Variants in EBF1 observed in about 807,000 individuals in gnomAD.
EBF1 encodes EBF transcription factor 1.
Under a neutral mutation model 68.4 loss-of-function variants are expected in EBF1, and 10 were observed. The ratio of observed to expected loss-of-function variants is 0.15; its 90% CI spans 0.09 to 0.25. The LOEUF (loss-of-function observed/expected upper bound fraction) is 0.25. Among genes scored for constraint, EBF1 ranks in the 10% least tolerant of loss-of-function variants. The pLI is 1.00. For synonymous variants in EBF1, 298 were observed against 299.8 expected (o/e 0.99, Z 0.06); for missense variants, 509 against 794.4 (o/e 0.64, Z 4.32).
intron 6 of EBF1, among the ~76,000 whole-genome samples, chr5:158,842,795 C>T (rs1790592459): frequency 6.6e-6 from 1 of 152,166 alleles, no homozygotes; most frequent in South Asian, 2.1e-4. Flanking sequence ...TCCTAAGTAA[C>T]CTCTGCTATT....
At chr5:159,086,968 G>A (rs1780746018) in intron 4 of EBF1, among the ~76,000 whole-genome samples, 1 of 151,978 alleles carries the variant, frequency 6.6e-6, no homozygotes, top group Admixed American at 6.6e-5. Context: ...ACATCTGCCT[G>A]CTTTATTTCC....
At chr5:159,069,081 T>C (rs76533940) in intron 6 of EBF1, among the ~76,000 whole-genome samples, 1,868 of 152,204 alleles carry the variant, frequency 0.012, 13 homozygotes, top group Middle Eastern at 0.024. Flanking sequence ...AAGTTTTAAA[T>C]ATCGGCTTTG....
At chr5:158,900,757 T>A (rs1803142476) in intron 6 of EBF1, among the ~76,000 whole-genome samples, 1 of 152,214 alleles carries the variant, frequency 6.6e-6, no homozygotes, top group South Asian at 2.1e-4. Context: ...TTTACAAGCC[T>A]CAGTTAATGT....
Position 158,987,524 on chromosome 5 carries a change from T to C in EBF1, c.554+85872A>G, listed in dbSNP as rs753963562. On this transcript the variant is annotated intron_variant, in intron 6 of 15. Coordinates refer to ENST00000313708, the MANE Select transcript of EBF1 (RefSeq NM_024007.5). ...GGTAGGCAGGGCAGGGATTACCTTGTATGACAGATGAGAGAATGAAGGCAG... is the reference window on the plus strand; with the variant it reads ...GGTAGGCAGGGCAGGGATTACCTTGCATGACAGATGAGAGAATGAAGGCAG... 7.2e-4 allele frequency among the ~76,000 whole-genome samples: 109 copies of C among 152,322 alleles called. 1 individual carries two copies. Among genetic ancestry groups the C allele is most frequent in the Admixed American group, 1.3e-3 (20 of 15,300 alleles).
At chr5:158,873,405 TC>T (rs1797248467) in intron 6 of EBF1, among the ~76,000 whole-genome samples, 1 of 152,184 alleles carries the variant, frequency 6.6e-6, no homozygotes, top group Non-Finnish European at 1.5e-5. Flanking sequence ...GCCACAGTGT[TC>T]CCTGAACTTC....
chr5:158,742,699 A>C (rs1170345675), intron 10 of EBF1, among the ~76,000 whole-genome samples: 1 of 152,128 alleles, frequency 6.6e-6, no homozygotes. Context: ...TGTCCTTGGG[A>C]CTCAACCTTC....
intron 6 of EBF1, among the ~76,000 whole-genome samples, chr5:158,878,264 A>C (rs1798169903): frequency 6.6e-6 from 1 of 152,144 alleles, no homozygotes; most frequent in Admixed American, 6.6e-5. Flanking sequence ...TATGAGCATG[A>C]GAAAGTGGCA....
At chr5:159,096,284 C>T (rs1428144362) in intron 3 of EBF1, 59 bp downstream of exon 3, 2 of 1,538,136 alleles carry the variant, frequency 1.3e-6, no homozygotes, top group Non-Finnish European at 1.8e-6. Flanking sequence ...GAGCTCCCTG[C>T]GCCCCCTGCC....
At chr5:158,867,416 T>C (rs1796119636) in intron 6 of EBF1, among the ~76,000 whole-genome samples, 1 of 152,220 alleles carries the variant, frequency 6.6e-6, no homozygotes, top group South Asian at 2.1e-4. Flanking sequence ...TTCATCTAAC[T>C]CAAGGTTCAA....
intron 6 of EBF1, among the ~76,000 whole-genome samples, chr5:158,969,909 A>G (rs1755195725): frequency 9.8e-6 from 1 of 102,444 alleles, no homozygotes; most frequent in Non-Finnish European, 2.1e-5. Flanking sequence ...AGAAAGAAAG[A>G]AAGAAAGAAA....
intron 6 of EBF1, among the ~76,000 whole-genome samples, chr5:158,913,842 A>G (rs535007686): frequency 2.9e-4 from 44 of 152,372 alleles, no homozygotes; most frequent in Admixed American, 5.2e-4. Context: ...CAAATAAAAT[A>G]TCTGTACGTA....
chr5:158,704,116 C>T (rs1016090595), intron 15 of EBF1, among the ~76,000 whole-genome samples: 1 of 152,226 alleles, frequency 6.6e-6, no homozygotes, highest in Non-Finnish European at 1.5e-5. Context: ...GACAAGCCAC[C>T]TTAGCTTCAG....
intron 6 of EBF1, among the ~76,000 whole-genome samples, chr5:158,969,553 C>T (rs1754909541): frequency 1.4e-5 from 2 of 139,744 alleles, no homozygotes; most frequent in Admixed American, 1.6e-4. Context: ...CACTTGAGCC[C>T]AGGAGTTTGA....
intron 6 of EBF1, among the ~76,000 whole-genome samples, chr5:158,968,241 G>A (rs1281686944): frequency 6.6e-6 from 1 of 152,154 alleles, no homozygotes; most frequent in Non-Finnish European, 1.5e-5. Flanking sequence ...AGTAATACCA[G>A]TCAGATAAAG....
intron 6 of EBF1, among the ~76,000 whole-genome samples, chr5:158,843,328 AT>A (rs1180401689): frequency 6.6e-6 from 1 of 152,200 alleles, no homozygotes; most frequent in Admixed American, 6.5e-5. Flanking sequence ...GCCAAAATGA[AT>A]TTTGAAAGAC....
In EBF1 at chr5:158,855,412, T is replaced by C. The variant is rs1470132217; in HGVS notation, c.555-15302A>G. Among the ~76,000 whole-genome samples, 3 of 152,288 alleles carry C rather than the reference T, an allele frequency of 2.0e-5. No homozygotes were observed. In the East Asian group the frequency reaches 5.8e-4, roughly 29 times the overall value. On this transcript the variant is annotated intron_variant, in intron 6 of 15. Coordinates refer to ENST00000313708, the MANE Select transcript of EBF1 (RefSeq NM_024007.5). ...AGCTCCAAGAAATCAGGTGACATGG[T>C]CAGGGTCACCCAGCTGATTAGTGGC... is the stretch of plus-strand genomic sequence containing the variant.
At chr5:158,756,537 T>C (rs1209824474) in intron 10 of EBF1, among the ~76,000 whole-genome samples, 2 of 152,102 alleles carry the variant, frequency 1.3e-5, no homozygotes, top group Non-Finnish European at 2.9e-5. Flanking sequence ...TCTTGAAGTA[T>C]AAACGTAATG....
intron 4 of EBF1, among the ~76,000 whole-genome samples, chr5:159,091,263 A>G (rs756346175): frequency 6.6e-6 from 1 of 152,218 alleles, no homozygotes; most frequent in Non-Finnish European, 1.5e-5. Context: ...GTACTAGGCC[A>G]TCTGGCTCCG....
chr5:158,870,154 C>T (rs1473307750), intron 6 of EBF1, among the ~76,000 whole-genome samples: 2 of 152,074 alleles, frequency 1.3e-5, no homozygotes, highest in African/African-American at 4.8e-5. Context: ...CAACCAAAGG[C>T]AAAATAGCAT....
Sources: allele counts gnomAD v4.1 joint callset (sites outside exome capture counted in the v4.1 genomes callset), GRCh38; gene constraint gnomAD v4.1.1; transcripts MANE v1.5; gene names NCBI Gene and HGNC (gene_info 2026-07-23, HGNC 2026-07-21).